The following PLA2G7 variants were observed in gnomAD, a reference collection of about 807,000 sequenced individuals.
PLA2G7 encodes the protein phospholipase A2 group VII.
In PLA2G7, 63 loss-of-function variants were observed where a neutral mutation model predicts 49.6. The ratio of observed to expected loss-of-function variants is 1.27; its 90% CI spans 1.04 to 1.57. PLA2G7 has a LOEUF of 1.57. Among genes scored for constraint, PLA2G7 ranks in the 40% most tolerant of loss-of-function variants. The pLI, the probability that PLA2G7 is intolerant of heterozygous loss-of-function variation, is 0.00. For synonymous variants in PLA2G7, 193 were observed against 169.9 expected (o/e 1.14, Z -1.06); for missense variants, 596 against 521.2 (o/e 1.14, Z -1.40).
At chr6:46,727,197 T>C (rs900920295) in intron 1 of PLA2G7, among the ~76,000 whole-genome samples, 2 of 152,214 alleles carry the variant, frequency 1.3e-5, no homozygotes, top group African/African-American at 4.8e-5. Flanking sequence ...GTAGTCTCCA[T>C]ACACAACCAT....
At chr6:46,705,589 A>G (rs567518407) in intron 10 of PLA2G7, among the ~76,000 whole-genome samples, 5 of 152,212 alleles carry the variant, frequency 3.3e-5, no homozygotes, top group Admixed American at 6.5e-5. Context: ...GTGAATTGGA[A>G]TACTTCCAGT....
chr6:46,722,774 A>G lies in PLA2G7; in HGVS notation c.109+9T>C. Reference sequence around the variant, plus strand: ...GTTGCTCAAGACCTTGAACAAATACACCTCTTACCTGATGATTTCATATGG... The same window carrying G: ...GTTGCTCAAGACCTTGAACAAATACGCCTCTTACCTGATGATTTCATATGG... On this transcript the variant is annotated intron_variant, in intron 2 of 11. Coordinates refer to ENST00000274793, the MANE Select transcript of PLA2G7 (RefSeq NM_005084.4). 6.5e-7 allele frequency: 1 copy of G among 1,528,320 alleles called. No individual in the cohort carries two copies. The highest frequency in any genetic ancestry group is 9.1e-7 in the Non-Finnish European group (1 of 1,101,718). The allele number at this position is 1,528,320 out of a possible 1,614,324, so 94.7% of individuals were successfully genotyped here. A position where few individuals can be genotyped will look rare whatever the true frequency, so the allele number is the denominator to read the frequency against.
At chr6:46,708,817 G>A (rs1764914142) in intron 9 of PLA2G7, among the ~76,000 whole-genome samples, 1 of 152,228 alleles carries the variant, frequency 6.6e-6, no homozygotes, top group Non-Finnish European at 1.5e-5. Flanking sequence ...TTGGTTCTAT[G>A]TGATCTCATC....
chr6:46,726,792 C>G (rs1765587727), intron 1 of PLA2G7, among the ~76,000 whole-genome samples: 1 of 152,048 alleles, frequency 6.6e-6, no homozygotes, highest in African/African-American at 2.4e-5. Flanking sequence ...CAGGCACCCA[C>G]CATAATGCCT....
chr6:46,713,156 C>T (rs550546852), intron 5 of PLA2G7, among the ~76,000 whole-genome samples: 1 of 152,186 alleles, frequency 6.6e-6, no homozygotes, highest in South Asian at 2.1e-4. Context: ...CTAAGCACTG[C>T]ATTTATGCCC....
chr6:46,712,921 G>A (rs181235148), intron 5 of PLA2G7, among the ~76,000 whole-genome samples: 1 of 152,170 alleles, frequency 6.6e-6, no homozygotes, highest in Admixed American at 6.5e-5. Flanking sequence ...TTGAACCCTG[G>A]TTCTACCACT....
At chr6:46,731,256 A>C (rs923079612) in intron 1 of PLA2G7, among the ~76,000 whole-genome samples, 2 of 152,200 alleles carry the variant, frequency 1.3e-5, no homozygotes, top group Admixed American at 6.5e-5. Flanking sequence ...TAAACGAGAG[A>C]AAATTCAAGA....
rs199662586 is a variant in PLA2G7 at position 46,708,022 on chromosome 6, G to A, written c.1009C>T (p.Pro337Ser). ...GTAATCATCTTTCTTTCTTTATCAG[G>A]TGAGTAGCATTTTTTCATTTTTATG... ...NIIKMKKCYS[P>S]DKERKMITIR... Residue 337 changes from proline (P) to serine (S), a missense_variant, in exon 10 of 12, where the codon CCT (proline) becomes TCT (serine). Physicochemically the swap from Pro to Ser is moderately conservative, Grantham distance 74. Coordinates refer to ENST00000274793, the MANE Select transcript of PLA2G7 (RefSeq NM_005084.4). 3 of 1,583,288 alleles carry A rather than the reference G, an allele frequency of 1.9e-6. No individual in the cohort carries two copies. Among genetic ancestry groups the A allele is most frequent in the South Asian group, 1.1e-5 (1 of 90,390 alleles).
In PLA2G7 at chr6:46,709,575, C is replaced by A. The variant is rs1764944136; in HGVS notation, c.778-157G>T. Among the ~76,000 whole-genome samples the A allele has an allele frequency of 2.0e-5, 3 of 152,022 alleles. No individual in the cohort carries two copies. The South Asian group carries it at 6.2e-4, about 32-fold the overall frequency. Reference sequence around the variant, plus strand: ...TATACACACATACATTTATACATACCATACACACATATACATCTATATACA... The same window carrying A: ...TATACACACATACATTTATACATACAATACACACATATACATCTATATACA... On this transcript the variant is annotated intron_variant, in intron 8 of 11. Coordinates refer to ENST00000274793, the MANE Select transcript of PLA2G7 (RefSeq NM_005084.4).
chr6:46,730,647 TGGCAGC>T (rs1398601762), intron 1 of PLA2G7, among the ~76,000 whole-genome samples: 1 of 152,154 alleles, frequency 6.6e-6, no homozygotes, highest in Non-Finnish European at 1.5e-5. Flanking sequence ...CATGTAGGAA[TGGCAGC>T]TCCATGTCAC....
At chr6:46,718,354 A>G (rs1405519321) in intron 2 of PLA2G7, among the ~76,000 whole-genome samples, 1 of 152,240 alleles carries the variant, frequency 6.6e-6, no homozygotes, top group African/African-American at 2.4e-5. Flanking sequence ...TGCTTTCCTA[A>G]GCCAATACTC....
rs368946627 is a variant in PLA2G7 at position 46,704,441 on chromosome 6, T to TTCTCTCTCTCTCTCTCTC, written c.*101_*118dup. 1.4e-5 allele frequency: 8 copies of TTCTCTCTCTCTCTCTCTC among 552,846 alleles called. No homozygotes were observed. The highest frequency in any genetic ancestry group is 1.4e-4 in the African/African-American group (7 of 51,058). 34.2% of individuals were successfully genotyped at this position (552,846 alleles called of 1,614,324 possible). A position where few individuals can be genotyped will look rare whatever the true frequency, so the allele number is the denominator to read the frequency against. ...AGTCCTTTGGGAAAATACATTAAAA[T>TTCTCTCTCTCTCTCTCTC]TCTCTCTCTCTCTCTCTCTCTCTCT... is the stretch of plus-strand genomic sequence containing the variant. On this transcript the variant is annotated 3_prime_UTR_variant, in exon 12 of 12. Transcript: ENST00000274793.
intron 2 of PLA2G7, among the ~76,000 whole-genome samples, chr6:46,717,593 C>T (rs1306168722): frequency 6.6e-6 from 1 of 152,070 alleles, no homozygotes; most frequent in South Asian, 2.1e-4. Context: ...GCCTGCAACT[C>T]AAGAACTCCT....
At chr6:46,712,207 A>T in intron 6 of PLA2G7, 62 bp downstream of exon 6, 1 of 1,007,454 alleles carries the variant, frequency 9.9e-7, no homozygotes, top group Non-Finnish European at 1.6e-6. Flanking sequence ...TTAGAAACAT[A>T]GTTATGAGCA....
intron 1 of PLA2G7, among the ~76,000 whole-genome samples, chr6:46,725,309 G>T (rs1309696785): frequency 1.3e-5 from 2 of 151,194 alleles, no homozygotes; most frequent in African/African-American, 4.9e-5. Context: ...TCGGCTCATT[G>T]CAACCTCTGC....
chr6:46,712,034 G>A (rs532749428), intron 6 of PLA2G7, among the ~76,000 whole-genome samples: 1 of 152,102 alleles, frequency 6.6e-6, no homozygotes, highest in Non-Finnish European at 1.5e-5. Context: ...GAATGAAATG[G>A]CGTATTAAAA....
In PLA2G7 at chr6:46,708,127, G is replaced by A; in HGVS notation, c.904C>T (p.Leu302=). ...ATTCTGGAATATACTTCATCACCCA[G>A]TGGAAACATCCATGCATCCAGGGCA... ...GIALDAWMFP[L]GDEVYSRIPQ... Residue 302 remains leucine (L), a synonymous_variant, in exon 10 of 12, where the codon CTG becomes TTG. Coordinates refer to ENST00000274793, the MANE Select transcript of PLA2G7 (RefSeq NM_005084.4). The A allele has an allele frequency of 1.2e-6, 2 of 1,612,398 alleles. No individual in the cohort carries two copies. The highest frequency in any genetic ancestry group is 1.1e-5 in the South Asian group (1 of 91,044).
At chr6:46,726,035 C>G (rs1327400645) in intron 1 of PLA2G7, among the ~76,000 whole-genome samples, 2 of 152,182 alleles carry the variant, frequency 1.3e-5, no homozygotes, top group Non-Finnish European at 2.9e-5. Flanking sequence ...TAAGGGTAAG[C>G]TCTAATGCTA....
chr6:46,731,916 C>G (rs1765746416), intron 1 of PLA2G7, among the ~76,000 whole-genome samples: 1 of 152,178 alleles, frequency 6.6e-6, no homozygotes, highest in Non-Finnish European at 1.5e-5. Context: ...CTACCACCCC[C>G]CATCAGTAAA....
Sources: allele counts gnomAD v4.1 joint callset (sites outside exome capture counted in the v4.1 genomes callset), GRCh38; gene constraint gnomAD v4.1.1; transcripts MANE v1.5; gene names NCBI Gene and HGNC (gene_info 2026-07-23, HGNC 2026-07-21).